The following EIF3E variants were observed in gnomAD, a reference collection of about 807,000 sequenced individuals.
The protein encoded by EIF3E is eIF-3 p48.
In EIF3E, 25 loss-of-function variants were observed where a neutral mutation model predicts 59.3. The observed-to-expected ratio is 0.42, with a 90% CI of 0.31 to 0.59. EIF3E has a LOEUF of 0.59. EIF3E is among the 20% of genes least tolerant of loss of function. The pLI, the probability that EIF3E is intolerant of heterozygous loss-of-function variation, is 0.15. For missense variants in EIF3E, 317 were observed against 534.3 expected (o/e 0.59, Z 4.01); for synonymous variants, 176 against 170.2 (o/e 1.03, Z -0.26).
At chr8:108,213,585 T>G (rs13257927) in intron 10 of EIF3E, among the ~76,000 whole-genome samples, 6,644 of 152,258 alleles carry the variant, frequency 0.044, 254 homozygotes, top group African/African-American at 0.1. Context: ...AAGCCCTAAT[T>G]ACAAACCTTA....
At position 108,235,551 on chromosome 8, in the gene EIF3E, C is replaced by T. The variant is rs1815712523; in HGVS notation, c.367-449G>A. Among the ~76,000 whole-genome samples, 3 of 152,172 alleles carry T rather than the reference C, an allele frequency of 2.0e-5. No individual in the cohort carries two copies. In the South Asian group the frequency reaches 6.2e-4, roughly 31 times the overall value. On this transcript the variant is annotated intron_variant, in intron 4 of 12. Coordinates refer to ENST00000220849, the MANE Select transcript of EIF3E (RefSeq NM_001568.3). ...ACCTTCTGATCATCTGCTCTGTGGC[C>T]CTCCGGTACTGGTCCATGACCTGGG... is the stretch of plus-strand genomic sequence containing the variant.
chr8:108,245,640 TA>T (rs1352607239), intron 1 of EIF3E, among the ~76,000 whole-genome samples: 2 of 152,208 alleles, frequency 1.3e-5, no homozygotes, highest in Admixed American at 1.3e-4. Context: ...ACAGAGGTAT[TA>T]AATGACCGAG....
At chr8:108,227,063 G>C (rs1217681322) in intron 7 of EIF3E, among the ~76,000 whole-genome samples, 3 of 152,296 alleles carry the variant, frequency 2.0e-5, no homozygotes, top group African/African-American at 7.2e-5. Context: ...AGTGGCTCAT[G>C]CCTGTAATCT....
At chr8:108,203,190 C>A (rs1283040358) in intron 11 of EIF3E, 73 bp from the exon 12 acceptor site, 2 of 1,539,080 alleles carry the variant, frequency 1.3e-6, no homozygotes, top group Non-Finnish European at 1.8e-6. Context: ...AAAAGCATGA[C>A]ATACCTTTGC....
intron 3 of EIF3E, among the ~76,000 whole-genome samples, chr8:108,238,434 C>T (rs1304034228): frequency 6.6e-6 from 1 of 152,172 alleles, no homozygotes; most frequent in Non-Finnish European, 1.5e-5. Flanking sequence ...ATCCTCCCAT[C>T]CACTTTAAAT....
chr8:108,215,278 CAATTACCATATTGGATTCT>C, intron 9 of EIF3E, among the ~76,000 whole-genome samples: 1 of 151,884 alleles, frequency 6.6e-6, no homozygotes, highest in East Asian at 1.9e-4. Context: ...AAAAAAACAC[CAATTACCATATTGGATTCT>C]AATTTTCTAT....
At chr8:108,202,932 A>C (rs532586768) in intron 12 of EIF3E, 51 bp downstream of exon 12, 1 of 1,546,274 alleles carries the variant, frequency 6.5e-7, no homozygotes, top group African/African-American at 1.4e-5. Flanking sequence ...TTCATGTAAC[A>C]ATTACATGGT....
intron 1 of EIF3E, among the ~76,000 whole-genome samples, chr8:108,244,593 C>T (rs1815909430): frequency 6.6e-6 from 1 of 152,034 alleles, no homozygotes; most frequent in African/African-American, 2.4e-5. Context: ...CAACTTAAAA[C>T]TGATAACCCC....
chr8:108,217,563 C>T lies in EIF3E; in HGVS notation c.723-103G>A, dbSNP rs546160670. On this transcript the variant is annotated intron_variant, in intron 7 of 12. Coordinates refer to ENST00000220849, the MANE Select transcript of EIF3E (RefSeq NM_001568.3). ...GTACTATTTCACTAGCCTAAGACTGCAAACACTTAAGAATGAGTATTATAA... is the reference window on the plus strand; with the variant it reads ...GTACTATTTCACTAGCCTAAGACTGTAAACACTTAAGAATGAGTATTATAA... 9.8e-6 allele frequency: 9 copies of T among 915,728 alleles called. No homozygotes were observed. The African/African-American group carries it at 1.5e-4, about 16-fold the overall frequency. 56.7% of individuals were successfully genotyped at this position (915,728 alleles called of 1,614,324 possible).
In EIF3E at chr8:108,218,806, C is replaced by T. The variant is rs1160788307; in HGVS notation, c.723-1346G>A. On this transcript the variant is annotated intron_variant, in intron 7 of 12. Transcript: ENST00000220849. ...TCTTTTTTTTTTTTTTTTTTTGAGACGAAGTCTCACTCTGTCTCCTAGGCT... is the reference window on the plus strand; with the variant it reads ...TCTTTTTTTTTTTTTTTTTTTGAGATGAAGTCTCACTCTGTCTCCTAGGCT... 1.7e-4 allele frequency among the ~76,000 whole-genome samples: 19 copies of T among 109,652 alleles called. No homozygotes were observed. The Admixed American group carries it at 1.8e-3, about 10-fold the overall frequency. The allele number at this position is 109,652 out of a possible 152,430, so 71.9% of individuals were successfully genotyped here.
chr8:108,247,120 G>A (rs1815963202), intron 1 of EIF3E, among the ~76,000 whole-genome samples: 1 of 152,066 alleles, frequency 6.6e-6, no homozygotes, highest in Non-Finnish European at 1.5e-5. Flanking sequence ...CAAAGAGGTG[G>A]GTATTGGGCA....
chr8:108,217,027 C>CCCCA (rs2129867454), intron 8 of EIF3E, among the ~76,000 whole-genome samples: 1 of 152,154 alleles, frequency 6.6e-6, no homozygotes, highest in Non-Finnish European at 1.5e-5. Flanking sequence ...AGGTAATGAC[C>CCCCA]CCCACCTCCA....
chr8:108,240,113 A>C, intron 2 of EIF3E, 38 bp from the exon 3 acceptor site: 1 of 1,508,180 alleles, frequency 6.6e-7, no homozygotes, highest in Non-Finnish European at 9.2e-7. Flanking sequence ...AATGTTAAGG[A>C]ATGTTAAATT....
At chr8:108,220,804 T>G (rs1251763361) in intron 7 of EIF3E, among the ~76,000 whole-genome samples, 1 of 152,228 alleles carries the variant, frequency 6.6e-6, no homozygotes, top group East Asian at 1.9e-4. Context: ...GCTGCTAAAA[T>G]CAAACATGTT....
intron 1 of EIF3E, among the ~76,000 whole-genome samples, chr8:108,245,855 C>T (rs1448566203): frequency 6.6e-6 from 1 of 152,168 alleles, no homozygotes; most frequent in Non-Finnish European, 1.5e-5. Context: ...TTATATTCTC[C>T]AATGTACTAC....
At chr8:108,219,000 G>A (rs1019061817) in intron 7 of EIF3E, among the ~76,000 whole-genome samples, 3 of 151,908 alleles carry the variant, frequency 2.0e-5, no homozygotes, top group African/African-American at 4.8e-5. Context: ...TGGCCAGGCT[G>A]GTCTCGAACT....
At chr8:108,242,805 T>A in intron 1 of EIF3E, 1 of 320,326 alleles carries the variant, frequency 3.1e-6, no homozygotes, top group Non-Finnish European at 4.6e-6. Flanking sequence ...GTTCTCAACG[T>A]CATTAATCAT....
Position 108,238,652 on chromosome 8 carries a change from G to GGTATA in EIF3E, c.323+1301_323+1305dup, listed in dbSNP as rs553814846. On this transcript the variant is annotated intron_variant, in intron 3 of 12. Transcript: ENST00000220849. ...TGTAGTATATGTCACAGTATGGTAT[G>GGTATA]GTATAGTATAGTATAGTACGCTATA... Among the ~76,000 whole-genome samples, 9 of 152,110 alleles carry GGTATA rather than the reference G, an allele frequency of 5.9e-5. No homozygotes were observed. In the East Asian group the frequency reaches 1.3e-3, roughly 23 times the overall value.
chr8:108,217,316 T>C lies in EIF3E; in HGVS notation c.849+18A>G, dbSNP rs1815322404. 1 of 1,505,986 alleles carries C rather than the reference T, an allele frequency of 6.6e-7. No individual in the cohort carries two copies. The highest frequency in any genetic ancestry group is 8.9e-7 in the Non-Finnish European group (1 of 1,127,768). 93.3% of individuals were successfully genotyped at this position (1,505,986 alleles called of 1,614,324 possible). ...TTAGGTATTTAAAAAAAAAAATCAA[T>C]ATATATTTTAGTTTTACCTGTTGAA... On this transcript the variant is annotated intron_variant, in intron 8 of 12. Coordinates refer to ENST00000220849, the MANE Select transcript of EIF3E (RefSeq NM_001568.3).
Sources: gnomAD v4.1 joint callset for allele counts (sites outside exome capture counted in the v4.1 genomes callset) on GRCh38, gnomAD v4.1.1 for gene constraint, MANE v1.5 for transcripts, NCBI Gene and HGNC (gene_info 2026-07-23, HGNC 2026-07-21) for gene names.